HS3ST4: variants seen among roughly 807,000 people sequenced by gnomAD.
HS3ST4 encodes heparan sulfate-glucosamine 3-sulfotransferase 4, also known as heparan sulfate glucosamine 3-O-sulfotransferase 4.
Under a neutral mutation model 29.2 loss-of-function variants are expected in HS3ST4, and 17 were observed. The observed-to-expected ratio is 0.58, with a 90% CI of 0.40 to 0.87. The LOEUF (loss-of-function observed/expected upper bound fraction) is 0.87. HS3ST4 is among the 40% of genes least tolerant of loss of function. HS3ST4 has a pLI of 0.00. For synonymous variants in HS3ST4, 314 were observed against 285.7 expected, an observed-to-expected ratio of 1.10 and a Z score of -1.00; for missense variants, 627 against 634.5, an observed-to-expected ratio of 0.99 and a Z score of 0.13.
chr16:25,872,770 G>A (rs573282257), intron 1 of HS3ST4, among the ~76,000 whole-genome samples: 2 of 152,274 alleles, frequency 1.3e-5, no homozygotes, highest in East Asian at 3.9e-4. Context: ...CCACTTGATG[G>A]GAAGAACTAC....
At chr16:25,837,593 T>A (rs181889410) in intron 1 of HS3ST4, among the ~76,000 whole-genome samples, 24 of 152,224 alleles carry the variant, frequency 1.6e-4, no homozygotes, top group African/African-American at 5.3e-4. Context: ...ATGGGATATG[T>A]GAATATTCCA....
At chr16:26,054,244 G>A (rs1335231487) in intron 1 of HS3ST4, among the ~76,000 whole-genome samples, 1 of 150,130 alleles carries the variant, frequency 6.7e-6, no homozygotes, top group Non-Finnish European at 1.5e-5. Flanking sequence ...ACTTCCATGA[G>A]AAGGAGAGAG....
intron 1 of HS3ST4, among the ~76,000 whole-genome samples, chr16:25,893,222 C>T (rs923074585): frequency 7.2e-5 from 11 of 152,120 alleles, no homozygotes; most frequent in African/African-American, 2.4e-4. Context: ...AGAGAAAAGT[C>T]ATGTGAGAAC....
chr16:25,925,408 A>C (rs764189363), intron 1 of HS3ST4, among the ~76,000 whole-genome samples: 2 of 152,070 alleles, frequency 1.3e-5, no homozygotes, highest in Non-Finnish European at 2.9e-5. Context: ...CTCATCTTTA[A>C]AAGCTTCCTG....
chr16:25,961,792 A>G (rs534965818), intron 1 of HS3ST4, among the ~76,000 whole-genome samples: 3 of 146,498 alleles, frequency 2.0e-5, no homozygotes, highest in Non-Finnish European at 4.5e-5. Context: ...CTACAAGCCA[A>G]TGAAAGAGTT....
intron 1 of HS3ST4, among the ~76,000 whole-genome samples, chr16:26,012,269 C>T (rs1193308823): frequency 6.6e-6 from 1 of 152,102 alleles, no homozygotes; most frequent in Non-Finnish European, 1.5e-5. Flanking sequence ...AGTGTATCAG[C>T]TTGAGGATCG....
intron 1 of HS3ST4, among the ~76,000 whole-genome samples, chr16:25,943,648 C>G (rs1968596619): frequency 6.6e-6 from 1 of 152,142 alleles, no homozygotes; most frequent in South Asian, 2.1e-4. Context: ...GAATAGAATA[C>G]CAAACTCCAT....
rs573834314 is a variant in HS3ST4 at position 25,721,916 on chromosome 16, C to A, written c.734+28765C>A. On this transcript the variant is annotated intron_variant, in intron 1 of 1. Coordinates refer to ENST00000331351, the MANE Select transcript of HS3ST4 (RefSeq NM_006040.3). ...TATGCCAAAATGTCCCTTCTCTGTG[C>A]AAGACACATAAAGCTGCAAGGAAGA... Among the ~76,000 whole-genome samples, 4 of 152,288 alleles carry A rather than the reference C, an allele frequency of 2.6e-5. No individual in the cohort carries two copies. The South Asian group carries it at 8.3e-4, about 32-fold the overall frequency.
intron 1 of HS3ST4, among the ~76,000 whole-genome samples, chr16:26,082,218 C>T (rs2141783339): frequency 6.6e-6 from 1 of 152,282 alleles, no homozygotes; most frequent in South Asian, 2.1e-4. Context: ...CTTTACGTTC[C>T]CTTACAATTA....
intron 1 of HS3ST4, among the ~76,000 whole-genome samples, chr16:26,088,797 T>C (rs1898819805): frequency 6.6e-6 from 1 of 152,222 alleles, no homozygotes; most frequent in Admixed American, 6.5e-5. Context: ...CAGTTAGCGA[T>C]CATGAGGTCC....
intron 1 of HS3ST4, among the ~76,000 whole-genome samples, chr16:26,108,771 C>T (rs1048633022): frequency 1.3e-5 from 2 of 152,168 alleles, no homozygotes; most frequent in East Asian, 1.9e-4. Flanking sequence ...CTCAAATAGG[C>T]TAGGAACTCC....
At chr16:25,718,538 TTTG>T (rs1006052990) in intron 1 of HS3ST4, among the ~76,000 whole-genome samples, 14 of 152,002 alleles carry the variant, frequency 9.2e-5, no homozygotes, top group Admixed American at 7.9e-4. Flanking sequence ...GAGACTTTCT[TTTG>T]TTGTTTAAAT....
chr16:26,099,980 G>C (rs1270888782), intron 1 of HS3ST4, among the ~76,000 whole-genome samples: 1 of 152,210 alleles, frequency 6.6e-6, no homozygotes, highest in African/African-American at 2.4e-5. Flanking sequence ...TCAAGGGGCT[G>C]TGTGGCTATC....
intron 1 of HS3ST4, among the ~76,000 whole-genome samples, chr16:26,126,121 G>A (rs1203548552): frequency 6.6e-6 from 1 of 152,198 alleles, no homozygotes; most frequent in African/African-American, 2.4e-5. Flanking sequence ...GCACAACCCA[G>A]GGCCATAAGA....
Position 26,136,422 on chromosome 16 carries a change from A to G in HS3ST4, c.*174A>G. 7.8e-6 allele frequency: 5 copies of G among 644,812 alleles called. No individual in the cohort carries two copies. The highest frequency in any genetic ancestry group is 1.3e-5 in the Non-Finnish European group (5 of 379,666). The allele number at this position is 644,812 out of a possible 1,614,324, so 39.9% of individuals were successfully genotyped here. On this transcript the variant is annotated 3_prime_UTR_variant, in exon 2 of 2. Coordinates refer to ENST00000331351, the MANE Select transcript of HS3ST4 (RefSeq NM_006040.3). ...TAGCTTAGGCAAACAGGTGGATCCCATGGCATCCCCATGGAGGAACCAGGC... is the reference window on the plus strand; with the variant it reads ...TAGCTTAGGCAAACAGGTGGATCCCGTGGCATCCCCATGGAGGAACCAGGC...
intron 1 of HS3ST4, among the ~76,000 whole-genome samples, chr16:25,919,652 C>A (rs767147490): frequency 1.4e-4 from 22 of 152,124 alleles, no homozygotes; most frequent in Non-Finnish European, 2.6e-4. Flanking sequence ...TAGGAAGACC[C>A]AGATTGGAGA....
chr16:25,910,260 G>A lies in HS3ST4; in HGVS notation c.734+217109G>A, dbSNP rs140887818. Reference sequence around the variant, plus strand: ...TAAAGGGCCAAACAATAAATATTTTGGGCTTTGGCGGTCTTAAGGTCTCTG... The same window carrying A: ...TAAAGGGCCAAACAATAAATATTTTAGGCTTTGGCGGTCTTAAGGTCTCTG... On this transcript the variant is annotated intron_variant, in intron 1 of 1. Coordinates refer to ENST00000331351, the MANE Select transcript of HS3ST4 (RefSeq NM_006040.3). Among the ~76,000 whole-genome samples the A allele has an allele frequency of 9.5e-3, 1,451 of 152,236 alleles. 25 individuals carry two copies. Among genetic ancestry groups the A allele is most frequent in the African/African-American group, 0.034 (1,395 of 41,530 alleles).
intron 1 of HS3ST4, among the ~76,000 whole-genome samples, chr16:26,043,867 CCTCCCCCTCTTCATT>C (rs1898234682): frequency 6.6e-6 from 1 of 152,162 alleles, no homozygotes; most frequent in African/African-American, 2.4e-5. Flanking sequence ...TCAAATTCTG[CCTCCCCCTCTTCATT>C]CTCCCTGCCA....
intron 1 of HS3ST4, among the ~76,000 whole-genome samples, chr16:25,948,353 T>TC (rs1187885310): frequency 6.6e-6 from 1 of 152,176 alleles, no homozygotes; most frequent in African/African-American, 2.4e-5. Flanking sequence ...ATTTTTTTTT[T>TC]CAGAGCATTT....
Sources: gnomAD v4.1 joint callset for allele counts (sites outside exome capture counted in the v4.1 genomes callset) on GRCh38, gnomAD v4.1.1 for gene constraint, MANE v1.5 for transcripts, NCBI Gene and HGNC (gene_info 2026-07-23, HGNC 2026-07-21) for gene names.